Variants in DOCK10 observed in about 807,000 individuals in gnomAD.
The protein encoded by DOCK10 is dedicator of cytokinesis protein 10.
DOCK10 carries 145 observed loss-of-function variants against 280.1 expected under a neutral mutation model. The observed-to-expected ratio is 0.52, with a 90% CI of 0.45 to 0.59. The LOEUF (loss-of-function observed/expected upper bound fraction) is 0.59, where lower values mean the gene tolerates loss of function less well. Ranked by LOEUF, DOCK10 falls within the 20% of genes least tolerant of loss-of-function variation. DOCK10 has a pLI of 0.00. For synonymous variants in DOCK10, 915 were observed against 942.2 expected (o/e 0.97, Z 0.53); for missense variants, 2,368 against 2,651.7 (o/e 0.89, Z 2.35).
intron 1 of DOCK10, among the ~76,000 whole-genome samples, chr2:225,037,531 C>T (rs942427094): frequency 6.6e-6 from 1 of 152,282 alleles, no homozygotes; most frequent in Non-Finnish European, 1.5e-5. Context: ...CTCCAGTTTT[C>T]TATTCAAAAT....
At chr2:224,954,655 T>C (rs991439144) in intron 1 of DOCK10, among the ~76,000 whole-genome samples, 11 of 152,118 alleles carry the variant, frequency 7.2e-5, no homozygotes, top group African/African-American at 2.7e-4. Flanking sequence ...ATAATGACAA[T>C]GACAACAACA....
intron 1 of DOCK10, among the ~76,000 whole-genome samples, chr2:224,976,097 A>G (rs1705421611): frequency 6.6e-6 from 1 of 152,172 alleles, no homozygotes; most frequent in Non-Finnish European, 1.5e-5. Context: ...TTATAATGTG[A>G]ATTAGTTTAC....
intron 1 of DOCK10, among the ~76,000 whole-genome samples, chr2:224,966,355 G>A (rs1704743771): frequency 7.4e-6 from 1 of 134,624 alleles, no homozygotes; most frequent in African/African-American, 2.9e-5. Flanking sequence ...AACCTTATTT[G>A]AAAATAATGG....
intron 1 of DOCK10, among the ~76,000 whole-genome samples, chr2:225,038,982 A>T (rs886707357): frequency 1.3e-5 from 2 of 152,210 alleles, no homozygotes; most frequent in African/African-American, 4.8e-5. Context: ...TTTTTTAAAA[A>T]GTCTTTTCTT....
intron 41 of DOCK10, 138 bp from the exon 42 acceptor site, chr2:224,798,107 A>C: frequency 1.2e-6 from 1 of 806,002 alleles, no homozygotes; most frequent in South Asian, 1.8e-5. Context: ...AAGGAGACAC[A>C]GTTCATGTTT....
intron 39 of DOCK10, among the ~76,000 whole-genome samples, chr2:224,803,315 G>C (rs1693140378): frequency 6.6e-6 from 1 of 151,802 alleles, no homozygotes; most frequent in Non-Finnish European, 1.5e-5. Flanking sequence ...TCTCACAAGG[G>C]GGCAATTTCA....
At chr2:224,918,683 G>A (rs1307399894) in intron 2 of DOCK10, among the ~76,000 whole-genome samples, 2 of 147,680 alleles carry the variant, frequency 1.4e-5, no homozygotes, top group Non-Finnish European at 3.0e-5. Context: ...GTGTGGTTTG[G>A]GTCTGTGAGC....
At chr2:224,796,911 G>A in intron 43 of DOCK10, 53 bp downstream of exon 43, 1 of 1,547,504 alleles carries the variant, frequency 6.5e-7, no homozygotes, top group Non-Finnish European at 8.8e-7. Flanking sequence ...AAGCACTGCT[G>A]AAACAGATCA....
chr2:224,817,019 C>T (rs558687172), intron 29 of DOCK10, among the ~76,000 whole-genome samples: 39 of 152,284 alleles, frequency 2.6e-4, no homozygotes, highest in African/African-American at 9.4e-4. Context: ...TGAATCATGA[C>T]ACATTTATTC....
At chr2:224,775,186 C>T in intron 51 of DOCK10, 71 bp from the exon 52 acceptor site, 3 of 1,409,610 alleles carry the variant, frequency 2.1e-6, no homozygotes, top group Non-Finnish European at 3.0e-6. Context: ...AGCTCCCATT[C>T]CCTCAGCTTG....
chr2:224,965,755 T>C (rs529166589), intron 1 of DOCK10, among the ~76,000 whole-genome samples: 1 of 152,330 alleles, frequency 6.6e-6, no homozygotes, highest in South Asian at 2.1e-4. Flanking sequence ...AAAATACTGG[T>C]TAAGCCTAAA....
rs375983654 is a variant in DOCK10 at position 224,941,500 on chromosome 2, A to G, written c.124-9832T>C. 1.5e-4 allele frequency among the ~76,000 whole-genome samples: 23 copies of G among 152,236 alleles called. No individual in the cohort carries two copies. The East Asian group carries it at 4.4e-3, about 29-fold the overall frequency. ...AGGCTGGGGCTGGTATAATAAGGTC[A>G]CCAGGCACCTCAGGGGAACAAAGTG... On this transcript the variant is annotated intron_variant, in intron 1 of 55. Coordinates refer to ENST00000258390, the MANE Select transcript of DOCK10 (RefSeq NM_014689.3).
intron 7 of DOCK10, among the ~76,000 whole-genome samples, chr2:224,878,554 C>T (rs1698778777): frequency 1.3e-5 from 2 of 152,186 alleles, no homozygotes; most frequent in Admixed American, 6.5e-5. Context: ...AACAAAGGGG[C>T]ATCTGTGGCC....
rs928873538 is a variant in DOCK10, at chr2:224,770,996, G to A, written c.6205-351C>T. Among the ~76,000 whole-genome samples, 1 of 151,874 alleles carries A rather than the reference G, an allele frequency of 6.6e-6. No individual in the cohort carries two copies. Among genetic ancestry groups the A allele is most frequent in the African/African-American group, 2.4e-5 (1 of 41,302 alleles). On this transcript the variant is annotated intron_variant, in intron 53 of 55. Transcript: ENST00000258390. The surrounding 1 kb of genome is among the most constrained non-coding windows in gnomAD (Gnocchi z 4.5). Reference sequence around the variant, plus strand: ...TCTGTTGCCCAGGCTAGAGTGCAGTGGCATGATCACTGCAGCTTCAAACTA... The same window carrying A: ...TCTGTTGCCCAGGCTAGAGTGCAGTAGCATGATCACTGCAGCTTCAAACTA...
rs377004859 is a variant in DOCK10, at chr2:224,799,684, T to C, written c.4506+467A>G. Among the ~76,000 whole-genome samples the C allele has an allele frequency of 6.2e-4, 94 of 152,382 alleles. 2 individuals are homozygous for C. In the South Asian group the frequency reaches 0.018, roughly 29 times the overall value. Reference sequence around the variant, plus strand: ...TCCACACCCTTGCCAAAACTTTGGATGGTCAGTCTTTTTAACTTTAGCCAT... The same window carrying C: ...TCCACACCCTTGCCAAAACTTTGGACGGTCAGTCTTTTTAACTTTAGCCAT... On this transcript the variant is annotated intron_variant, in intron 41 of 55. Coordinates refer to ENST00000258390, the MANE Select transcript of DOCK10 (RefSeq NM_014689.3).
At chr2:224,972,028 TTA>T (rs1383013204) in intron 1 of DOCK10, among the ~76,000 whole-genome samples, 1 of 152,192 alleles carries the variant, frequency 6.6e-6, no homozygotes, top group East Asian at 1.9e-4. Flanking sequence ...CATATGTGGC[TTA>T]TGTTATATTT....
chr2:225,019,057 T>A (rs1689712805), intron 1 of DOCK10, among the ~76,000 whole-genome samples: 1 of 151,500 alleles, frequency 6.6e-6, no homozygotes, highest in Non-Finnish European at 1.5e-5. Context: ...AGCAACAATC[T>A]TTTTGAATGG....
chr2:224,814,613 C>G (rs565094215), intron 30 of DOCK10, among the ~76,000 whole-genome samples: 2 of 152,248 alleles, frequency 1.3e-5, no homozygotes, highest in African/African-American at 2.4e-5. Flanking sequence ...CCTCTGCCTC[C>G]TGGATTCAAG....
At chr2:224,862,542 T>C (rs1366584839) in intron 14 of DOCK10, 122 bp downstream of exon 14, 1 of 720,566 alleles carries the variant, frequency 1.4e-6, no homozygotes, top group Non-Finnish European at 2.4e-6. Context: ...GATGACCATA[T>C]TAGGATTTTC....
Sources: gnomAD v4.1 joint callset for allele counts (sites outside exome capture counted in the v4.1 genomes callset) on GRCh38, gnomAD v4.1.1 for gene constraint, Gnocchi (gnomAD v3.1) non-coding constraint, MANE v1.5 for transcripts, NCBI Gene and HGNC (gene_info 2026-07-23, HGNC 2026-07-21) for gene names.